The following POLR3E variants were observed in gnomAD, a reference collection of about 807,000 sequenced individuals.
The protein encoded by POLR3E is RNA polymerase III subunit E.
Under a neutral mutation model 96.6 loss-of-function variants are expected in POLR3E, and 41 were observed. That is an observed-to-expected ratio of 0.42 (90% CI 0.33 to 0.55). The LOEUF is 0.55. POLR3E is among the 20% of genes least tolerant of loss of function. The probability of loss-of-function intolerance (pLI) is 0.06; values close to 1 mark genes in which losing one functional copy is unlikely to be tolerated. For missense variants in POLR3E, 849 were observed against 952.1 expected, an observed-to-expected ratio of 0.89 and a Z score of 1.43; for synonymous variants, 396 against 383.6, an observed-to-expected ratio of 1.03 and a Z score of -0.38.
Position 22,325,978 on chromosome 16 carries a change from C to T in POLR3E, c.1566C>T (p.Ser522=), listed in dbSNP as rs1172520955. The change falls in exon 18 of 21, where the codon TCC becomes TCT. Residue 522 remains serine, a synonymous_variant. Coordinates refer to ENST00000299853, the MANE Select transcript of POLR3E (RefSeq NM_018119.4). ...QEAEEEPMDT[S]PSGLHSKLAN... ...CGGAGGAGGAGCCCATGGACACTTC[C>T]CCCAGCGGCCTCCACAGCAAGCTGG... 3 of 1,591,510 alleles carry T rather than the reference C, an allele frequency of 1.9e-6. No homozygotes were observed. The highest frequency in any genetic ancestry group is 2.3e-5 in the East Asian group (1 of 43,878).
chr16:22,310,538 C>T (rs751750701), intron 6 of POLR3E, among the ~76,000 whole-genome samples: 10 of 151,262 alleles, frequency 6.6e-5, no homozygotes, highest in Non-Finnish European at 1.0e-4. Context: ...CTGCCCACCT[C>T]GGCCTCCCAA....
intron 19 of POLR3E, among the ~76,000 whole-genome samples, chr16:22,329,982 T>G (rs968384005): frequency 3.3e-5 from 5 of 151,382 alleles, no homozygotes; most frequent in African/African-American, 9.7e-5. Flanking sequence ...TCATTAGCAA[T>G]GGGCTTCCCA....
chr16:22,328,087 G>A (rs1038695234), intron 18 of POLR3E: 1 of 174,540 alleles, frequency 5.7e-6, no homozygotes, highest in African/African-American at 2.4e-5. Flanking sequence ...GAACCCCCAG[G>A]GTACCCCAAG....
chr16:22,302,026 C>G (rs2048034167), intron 1 of POLR3E, among the ~76,000 whole-genome samples: 1 of 151,978 alleles, frequency 6.6e-6, no homozygotes, highest in African/African-American at 2.4e-5. Context: ...TATGACCACC[C>G]CTCTTCTCTT....
At position 22,317,665 on chromosome 16, in the gene POLR3E, G is replaced by T. The variant is rs528019882; in HGVS notation, c.865+459G>T. Among the ~76,000 whole-genome samples the T allele has an allele frequency of 4.9e-3, 695 of 140,820 alleles. 3 individuals are homozygous for T. The highest frequency in any genetic ancestry group is 0.033 in the East Asian group (161 of 4,952). The allele number at this position is 140,820 out of a possible 152,430, so 92.4% of individuals were successfully genotyped here. A position where few individuals can be genotyped will look rare whatever the true frequency, so the allele number is the denominator to read the frequency against. ...TGTTGTTGTTGTTGTTGTTGTTGTT[G>T]TTTTTTTTTTTAAGGTTTTTTTAAA... On this transcript the variant is annotated intron_variant, in intron 12 of 20. Coordinates refer to ENST00000299853, the MANE Select transcript of POLR3E (RefSeq NM_018119.4).
intron 13 of POLR3E, among the ~76,000 whole-genome samples, chr16:22,320,251 C>A (rs2141787169): frequency 6.6e-6 from 1 of 152,130 alleles, no homozygotes; most frequent in Non-Finnish European, 1.5e-5. Flanking sequence ...CCGAAGAGAG[C>A]ACAGGATTGG....
chr16:22,324,002 A>G (rs1398873180), intron 14 of POLR3E, among the ~76,000 whole-genome samples: 2 of 152,074 alleles, frequency 1.3e-5, no homozygotes, highest in African/African-American at 4.8e-5. Context: ...CACCACTGTG[A>G]AGTGCCGCCT....
intron 3 of POLR3E, 64 bp downstream of exon 3, chr16:22,305,270 G>T: frequency 8.4e-7 from 1 of 1,186,892 alleles, no homozygotes; most frequent in Non-Finnish European, 1.3e-6. Context: ...GTGGACTCAG[G>T]AACACGGGCA....
chr16:22,325,873 G>A lies in POLR3E; in HGVS notation c.1461G>A (p.Arg487=). Reference sequence around the variant, plus strand: ...TGCAGCGGCGGAAGGAGCAGCTGCGGGTGCCTGCGGTCCCGCCCGGTGTGC... The same window carrying A: ...TGCAGCGGCGGAAGGAGCAGCTGCGAGTGCCTGCGGTCCCGCCCGGTGTGC... ...RELQRRKEQL[R]VPAVPPGVRI... Residue 487 remains arginine (R), a synonymous_variant, in exon 18 of 21, where the codon CGG becomes CGA. Coordinates refer to ENST00000299853, the MANE Select transcript of POLR3E (RefSeq NM_018119.4). 6.2e-7 allele frequency: 1 copy of A among 1,611,120 alleles called. No homozygotes were observed. Among genetic ancestry groups the A allele is most frequent in the Middle Eastern group, 1.7e-4 (1 of 5,748 alleles).
rs543649057 is a variant in POLR3E at position 22,323,145 on chromosome 16, G to A, written c.1068+214G>A. On this transcript the variant is annotated intron_variant, in intron 14 of 20. Coordinates refer to ENST00000299853, the MANE Select transcript of POLR3E (RefSeq NM_018119.4). ...AGTTCCTCTAGCGCAGTCGGGGGGT[G>A]GGTCAAGAAGCACGTTTCATTCGGC... Among the ~76,000 whole-genome samples the A allele has an allele frequency of 1.2e-4, 18 of 152,190 alleles. No individual in the cohort carries two copies. In the South Asian group the frequency reaches 3.3e-3, roughly 28 times the overall value.
intron 2 of POLR3E, among the ~76,000 whole-genome samples, chr16:22,304,848 G>A (rs1434356544): frequency 6.6e-6 from 1 of 152,186 alleles, no homozygotes; most frequent in African/African-American, 2.4e-5. Context: ...TGCCCAGGCT[G>A]TAGGACGTTT....
intron 18 of POLR3E, chr16:22,326,785 TGCTCA>T (rs1168326567): frequency 5.6e-6 from 1 of 177,218 alleles, no homozygotes; most frequent in Non-Finnish European, 1.2e-5. Context: ...GAATCCTTTC[TGCTCA>T]GCTAAGATGA....
rs1160979823 is a variant in POLR3E, at chr16:22,318,796, C to A, written c.866-30C>A. On this transcript the variant is annotated intron_variant, in intron 12 of 20. Coordinates refer to ENST00000299853, the MANE Select transcript of POLR3E (RefSeq NM_018119.4). The surrounding 1 kb of genome is among the most constrained non-coding windows in gnomAD (Gnocchi z 5.0). ...GGAGGGAAGGGCCCGGCCCCTCTTC[C>A]TTGTCTGATGTCTCCTGCGTCCTCC... 2.5e-6 allele frequency: 4 copies of A among 1,603,236 alleles called. No homozygotes were observed. Among genetic ancestry groups the A allele is most frequent in the Non-Finnish European group, 3.4e-6 (4 of 1,173,524 alleles).
intron 3 of POLR3E, among the ~76,000 whole-genome samples, chr16:22,307,373 G>A (rs1414238506): frequency 6.6e-6 from 1 of 152,202 alleles, no homozygotes; most frequent in African/African-American, 2.4e-5. Context: ...GCGCTAGAAT[G>A]TAGCTGATCT....
chr16:22,304,894 A>T (rs1162006769), intron 2 of POLR3E, among the ~76,000 whole-genome samples: 2 of 152,114 alleles, frequency 1.3e-5, no homozygotes, highest in Non-Finnish European at 2.9e-5. Context: ...ATGTGTGCTT[A>T]CTGGGGGATT....
chr16:22,332,013 C>T (rs768118707), intron 19 of POLR3E, 47 bp from the exon 20 acceptor site: 39 of 1,593,930 alleles, frequency 2.4e-5, no homozygotes, highest in Non-Finnish European at 3.1e-5. Context: ...GGATGTTTCT[C>T]TTTTTAGATC....
intron 18 of POLR3E, chr16:22,328,303 T>TG (rs888685434): frequency 8.6e-6 from 5 of 581,852 alleles, no homozygotes; most frequent in African/African-American, 5.6e-5. Context: ...TGTCAGGCCC[T>TG]GGGGGGTGTG....
Position 22,297,992 on chromosome 16 carries a change from C to T in POLR3E, c.-39+455C>T, listed in dbSNP as rs529932612. Among the ~76,000 whole-genome samples the T allele has an allele frequency of 4.6e-5, 7 of 152,356 alleles. No homozygotes were observed. In the East Asian group the frequency reaches 1.3e-3, roughly 29 times the overall value. On this transcript the variant is annotated intron_variant, in intron 1 of 20. Transcript: ENST00000299853. ...CCCCGATGGGCAGGGAGGGCACCTG[C>T]GCCTGCCGGAGCCCCCACTTCGCAG...
chr16:22,332,257 CTA>C, intron 20 of POLR3E, 72 bp downstream of exon 20: 1 of 1,406,176 alleles, frequency 7.1e-7, no homozygotes, highest in South Asian at 1.2e-5. Flanking sequence ...AGAAGGGACT[CTA>C]GTGTCTTTGT....
Sources: allele counts gnomAD v4.1 joint callset (sites outside exome capture counted in the v4.1 genomes callset), GRCh38; gene constraint gnomAD v4.1.1; non-coding constraint Gnocchi (gnomAD v3.1); transcripts MANE v1.5; gene names NCBI Gene and HGNC (gene_info 2026-07-23, HGNC 2026-07-21).